The following HERPUD2 variants were observed in gnomAD, a reference collection of about 807,000 sequenced individuals.
The protein encoded by HERPUD2 is HERPUD family member 2, also known as homocysteine-responsive endoplasmic reticulum-resident ubiquitin-like domain member 2 protein.
Under a neutral mutation model 49.9 loss-of-function variants are expected in HERPUD2, and 13 were observed. The ratio of observed to expected loss-of-function variants is 0.26; its 90% confidence interval spans 0.17 to 0.41. HERPUD2 has a LOEUF of 0.41. HERPUD2 is among the 10% of genes least tolerant of loss of function. HERPUD2 has a pLI of 1.00. For synonymous variants in HERPUD2, 172 were observed against 171.4 expected (o/e 1.00, Z -0.03); for missense variants, 449 against 492.2 (o/e 0.91, Z 0.83).
intron 6 of HERPUD2, among the ~76,000 whole-genome samples, chr7:35,636,397 C>A (rs1784871941): frequency 1.3e-5 from 2 of 152,192 alleles, no homozygotes. Flanking sequence ...GTTTAGAAAA[C>A]ACTTCCTACT....
intron 2 of HERPUD2, among the ~76,000 whole-genome samples, chr7:35,686,808 T>TGGG (rs1215387825): frequency 9.3e-4 from 4 of 4,296 alleles, no homozygotes; most frequent in Admixed American, 3.6e-3. Context: ...TTTGGGAGGC[T>TGGG]GGGGGGGGGG....
chr7:35,635,087 G>A (rs778600187), intron 7 of HERPUD2, 48 bp downstream of exon 7: 29 of 1,390,082 alleles, frequency 2.1e-5, no homozygotes, highest in Non-Finnish European at 2.8e-5. Flanking sequence ...ATTCTGTGCT[G>A]AACAGTTGCA....
At chr7:35,656,502 A>G (rs1207219601) in intron 5 of HERPUD2, among the ~76,000 whole-genome samples, 1 of 152,202 alleles carries the variant, frequency 6.6e-6, no homozygotes, top group Non-Finnish European at 1.5e-5. Flanking sequence ...GAGCCTGAAC[A>G]GTGAAAGTAA....
chr7:35,684,966 C>G (rs1184573439), intron 2 of HERPUD2, among the ~76,000 whole-genome samples: 2 of 152,102 alleles, frequency 1.3e-5, no homozygotes, highest in Non-Finnish European at 2.9e-5. Context: ...ACTGGCCAGG[C>G]ATGGTTTCTC....
chr7:35,675,283 G>C (rs141109728), intron 2 of HERPUD2, among the ~76,000 whole-genome samples: 3 of 152,332 alleles, frequency 2.0e-5, no homozygotes, highest in East Asian at 3.9e-4. Flanking sequence ...CGTGTTGTGA[G>C]AGCATAGTAG....
At position 35,633,082 on chromosome 7, in the gene HERPUD2, T is replaced by C. The variant is rs1413537321; in HGVS notation, c.*608A>G. On this transcript the variant is annotated 3_prime_UTR_variant, in exon 9 of 9. Transcript: ENST00000311350. ...GTGAAGCAGCTCTTTTTTTTTTTTTTCTGAGACCGAGTCTCACTCTGTCGC... is the reference window on the plus strand; with the variant it reads ...GTGAAGCAGCTCTTTTTTTTTTTTTCCTGAGACCGAGTCTCACTCTGTCGC... The C allele has an allele frequency of 6.6e-6, 1 of 151,718 alleles. No homozygotes were observed. Among genetic ancestry groups the C allele is most frequent in the Non-Finnish European group, 1.5e-5 (1 of 67,932 alleles). The allele number at this position is 151,718 out of a possible 1,614,324, so 9.4% of individuals were successfully genotyped here. A position where few individuals can be genotyped will look rare whatever the true frequency, so the allele number is the denominator to read the frequency against.
intron 5 of HERPUD2, 106 bp from the exon 6 acceptor site, chr7:35,638,578 A>G (rs1784912013): frequency 1.1e-5 from 12 of 1,086,234 alleles, no homozygotes; most frequent in Non-Finnish European, 1.5e-5. Context: ...AATATATTTA[A>G]ATCTCACTGA....
intron 5 of HERPUD2, among the ~76,000 whole-genome samples, chr7:35,647,449 C>T (rs1293600337): frequency 6.6e-6 from 1 of 152,156 alleles, no homozygotes; most frequent in Non-Finnish European, 1.5e-5. Context: ...TTTTCCTCTC[C>T]TGAGTGCCTA....
intron 5 of HERPUD2, among the ~76,000 whole-genome samples, chr7:35,663,723 C>T (rs1785478683): frequency 1.3e-5 from 2 of 152,020 alleles, no homozygotes; most frequent in African/African-American, 4.8e-5. Flanking sequence ...ACTGCAATCC[C>T]TGCCTTTTTT....
chr7:35,660,746 T>C (rs1158965999), intron 5 of HERPUD2, among the ~76,000 whole-genome samples: 1 of 152,180 alleles, frequency 6.6e-6, no homozygotes, highest in Non-Finnish European at 1.5e-5. Context: ...TCTTGTAAAT[T>C]TGTTTAAGTT....
intron 2 of HERPUD2, among the ~76,000 whole-genome samples, chr7:35,688,842 T>C (rs1326633633): frequency 1.1e-4 from 17 of 152,024 alleles, no homozygotes. Flanking sequence ...GTTCAAATTC[T>C]AATTCCACTC....
intron 8 of HERPUD2, 106 bp from the exon 9 acceptor site, chr7:35,633,957 T>C (rs758074668): frequency 5.1e-6 from 6 of 1,180,224 alleles, no homozygotes; most frequent in Non-Finnish European, 4.7e-6. Flanking sequence ...TGAAGTGGTA[T>C]GTATGTGGTC....
chr7:35,662,707 A>G (rs1362642407), intron 5 of HERPUD2, among the ~76,000 whole-genome samples: 1 of 152,162 alleles, frequency 6.6e-6, no homozygotes, highest in Non-Finnish European at 1.5e-5. Flanking sequence ...CTGTGGGATC[A>G]GTGGTGATAT....
intron 5 of HERPUD2, among the ~76,000 whole-genome samples, chr7:35,665,339 T>C (rs2392378): frequency 0.59 from 89,752 of 151,970 alleles, 26,839 homozygotes; most frequent in East Asian, 0.73. Flanking sequence ...CCCTCAGCCT[T>C]GCTGTCGCCT....
intron 5 of HERPUD2, among the ~76,000 whole-genome samples, chr7:35,658,604 A>G (rs1785334711): frequency 2.6e-5 from 4 of 152,232 alleles, no homozygotes; most frequent in Admixed American, 2.6e-4. Context: ...AATTTTAAAA[A>G]TAAATTATAA....
At chr7:35,673,509 T>C (rs1785687839) in intron 2 of HERPUD2, among the ~76,000 whole-genome samples, 1 of 152,092 alleles carries the variant, frequency 6.6e-6, no homozygotes, top group Admixed American at 6.6e-5. Context: ...TACAGATAAT[T>C]AATACATTTA....
chr7:35,638,524 T>A, intron 5 of HERPUD2, 52 bp from the exon 6 acceptor site: 1 of 1,540,956 alleles, frequency 6.5e-7, no homozygotes, highest in Non-Finnish European at 8.8e-7. Context: ...CTAAAAGTAT[T>A]ATTCTAAATT....
chr7:35,646,342 G>A (rs1273017440), intron 5 of HERPUD2, among the ~76,000 whole-genome samples: 1 of 152,058 alleles, frequency 6.6e-6, no homozygotes, highest in African/African-American at 2.4e-5. Flanking sequence ...TGGTAGGACT[G>A]CTTGAAGCCA....
At chr7:35,644,277 C>A (rs567322654) in intron 5 of HERPUD2, among the ~76,000 whole-genome samples, 58 of 150,602 alleles carry the variant, frequency 3.9e-4, no homozygotes, top group African/African-American at 6.1e-4. Flanking sequence ...AAAAGATGAA[C>A]CTTAATTGAA....
Sources: gnomAD v4.1 joint callset for allele counts (sites outside exome capture counted in the v4.1 genomes callset) on GRCh38, gnomAD v4.1.1 for gene constraint, MANE v1.5 for transcripts, NCBI Gene and HGNC (gene_info 2026-07-23, HGNC 2026-07-21) for gene names.